Variants in ANO3 observed in about 807,000 individuals in gnomAD.
The protein encoded by ANO3 is anoctamin-3.
ANO3 carries 99 observed loss-of-function variants against 144.8 expected under a neutral mutation model. The observed-to-expected ratio is 0.68, with a 90% CI of 0.58 to 0.81. The LOEUF (loss-of-function observed/expected upper bound fraction) is 0.81. ANO3 is among the 30% of genes least tolerant of loss of function. ANO3 has a pLI of 0.00. For synonymous variants in ANO3, 414 were observed against 392.6 expected (o/e 1.05, Z -0.64); for missense variants, 905 against 1,202.2 (o/e 0.75, Z 3.66).
chr11:26,659,108 A>G (rs543571273), intron 26 of ANO3, among the ~76,000 whole-genome samples: 64 of 152,064 alleles, frequency 4.2e-4, no homozygotes, highest in African/African-American at 1.4e-3. Flanking sequence ...ACATATATAT[A>G]TACACACATA....
chr11:26,280,737 A>C (rs1853659694), intron 1 of ANO3, among the ~76,000 whole-genome samples: 1 of 152,180 alleles, frequency 6.6e-6, no homozygotes, highest in Non-Finnish European at 1.5e-5. Flanking sequence ...AATATTTACC[A>C]TCACGCCCAA....
In ANO3 at chr11:26,189,331, G is replaced by A. The variant is rs1851432232; in HGVS notation, c.154+1G>A. The A allele has an allele frequency of 1.0e-6, 1 of 985,198 alleles. No individual in the cohort carries two copies. The highest frequency in any genetic ancestry group is 4.7e-5 in the South Asian group (1 of 21,274). The allele number at this position is 985,198 out of a possible 1,614,324, so 61.0% of individuals were successfully genotyped here. A position where few individuals can be genotyped will look rare whatever the true frequency, so the allele number is the denominator to read the frequency against. ...CAGCACTCCAGTTCTGTCCCGACTGGTAAGCTAACCTTTAGATTGATATGT... is the reference window on the plus strand; with the variant it reads ...CAGCACTCCAGTTCTGTCCCGACTGATAAGCTAACCTTTAGATTGATATGT... On this transcript the variant is annotated splice_donor_variant, in intron 1 of 27. Transcript: ENST00000672621. LOFTEE classifies it high-confidence loss of function.
chr11:26,603,788 G>A (rs929339286), intron 17 of ANO3, among the ~76,000 whole-genome samples: 7 of 152,074 alleles, frequency 4.6e-5, no homozygotes, highest in African/African-American at 1.4e-4. Context: ...TTTGCTTATA[G>A]GGATTTGTAT....
intron 12 of ANO3, among the ~76,000 whole-genome samples, chr11:26,552,504 C>T (rs1849960430): frequency 6.6e-6 from 1 of 151,992 alleles, no homozygotes; most frequent in Non-Finnish European, 1.5e-5. Context: ...GGAAAGGGCA[C>T]AAAGCGTCCT....
intron 1 of ANO3, among the ~76,000 whole-genome samples, chr11:26,194,086 C>G (rs1314405348): frequency 6.6e-6 from 1 of 152,068 alleles, no homozygotes; most frequent in Non-Finnish European, 1.5e-5. Flanking sequence ...ATGCCTGCAA[C>G]TAATATCTAG....
intron 18 of ANO3, among the ~76,000 whole-genome samples, chr11:26,624,921 CTT>C (rs34454148): frequency 1.4e-5 from 2 of 144,574 alleles, no homozygotes; most frequent in Non-Finnish European, 3.0e-5. Context: ...TACTTTTTAA[CTT>C]TTTTTTTTTT....
chr11:26,193,035 G>A (rs1332223364), intron 1 of ANO3, among the ~76,000 whole-genome samples: 1 of 151,464 alleles, frequency 6.6e-6, no homozygotes, highest in Non-Finnish European at 1.5e-5. Flanking sequence ...TAGGTTTTAA[G>A]CCCCGCATGC....
intron 1 of ANO3, among the ~76,000 whole-genome samples, chr11:26,346,121 G>A (rs988888835): frequency 3.9e-5 from 6 of 152,076 alleles, no homozygotes; most frequent in Non-Finnish European, 8.8e-5. Context: ...TTATAAATAA[G>A]GAAACATACC....
chr11:26,299,460 G>A (rs1040490923), intron 1 of ANO3, among the ~76,000 whole-genome samples: 2 of 152,190 alleles, frequency 1.3e-5, no homozygotes, highest in African/African-American at 2.4e-5. Context: ...AACTTTATCT[G>A]CTTTTGTGGA....
At chr11:26,592,937 G>T (rs1489781578) in intron 14 of ANO3, among the ~76,000 whole-genome samples, 4 of 152,064 alleles carry the variant, frequency 2.6e-5, no homozygotes, top group Non-Finnish European at 5.9e-5. Flanking sequence ...GTTTCCCGGA[G>T]GGGATTACTC....
chr11:26,276,881 G>C (rs947304977), intron 1 of ANO3, among the ~76,000 whole-genome samples: 1 of 152,086 alleles, frequency 6.6e-6, no homozygotes, highest in Admixed American at 6.6e-5. Context: ...TTTCACCTCT[G>C]TCACTTGAGA....
rs536268842 is a variant in ANO3, at chr11:26,654,144, A to G, written c.2577-1981A>G. Among the ~76,000 whole-genome samples the G allele has an allele frequency of 3.3e-5, 5 of 152,278 alleles. No homozygotes were observed. The South Asian group carries it at 1.0e-3, about 32-fold the overall frequency. ...TTCAACATCGACGTTGCTAATATAG[A>G]TTCTTTACATTTACATATAAACTTT... On this transcript the variant is annotated intron_variant, in intron 24 of 26. Transcript: ENST00000256737.
intron 26 of ANO3, among the ~76,000 whole-genome samples, chr11:26,658,088 G>T (rs188336509): frequency 1.2e-4 from 15 of 124,848 alleles, no homozygotes; most frequent in African/African-American, 3.8e-4. Context: ...TCTTCTAGTG[G>T]TTTCATAGTT....
intron 1 of ANO3, among the ~76,000 whole-genome samples, chr11:26,362,944 G>A (rs1242949984): frequency 6.6e-6 from 1 of 151,996 alleles, no homozygotes; most frequent in Non-Finnish European, 1.5e-5. Flanking sequence ...TAGGTCAATT[G>A]GTGAAATCCA....
intron 12 of ANO3, among the ~76,000 whole-genome samples, chr11:26,548,700 C>T (rs1849851673): frequency 6.6e-6 from 1 of 151,924 alleles, no homozygotes; most frequent in African/African-American, 2.4e-5. Flanking sequence ...TCCCCTTGTT[C>T]TTCATGAATG....
chr11:26,354,409 T>G (rs1156524201), intron 1 of ANO3, among the ~76,000 whole-genome samples: 1 of 152,188 alleles, frequency 6.6e-6, no homozygotes, highest in African/African-American at 2.4e-5. Context: ...AGGTGCATTC[T>G]TTTCTCCAAG....
intron 1 of ANO3, among the ~76,000 whole-genome samples, chr11:26,311,769 C>T (rs1000692437): frequency 2.6e-5 from 4 of 152,178 alleles, no homozygotes; most frequent in African/African-American, 9.6e-5. Context: ...AAATTTTTAA[C>T]TGTGGGGAGA....
intron 4 of ANO3, among the ~76,000 whole-genome samples, chr11:26,487,026 G>T (rs141447704): frequency 6.6e-6 from 1 of 152,194 alleles, no homozygotes; most frequent in Non-Finnish European, 1.5e-5. Flanking sequence ...TGCAAGGAGC[G>T]TTTGGTGACT....
At chr11:26,562,005 G>GAGGTGTCTCA (rs1360798427) in intron 14 of ANO3, among the ~76,000 whole-genome samples, 7 of 151,840 alleles carry the variant, frequency 4.6e-5, no homozygotes, top group Non-Finnish European at 5.9e-5. Flanking sequence ...GTCTTTGGGA[G>GAGGTGTCTCA]AGGTGTCTCA....
Sources: gnomAD v4.1 joint callset for allele counts (sites outside exome capture counted in the v4.1 genomes callset) on GRCh38, gnomAD v4.1.1 for gene constraint, MANE v1.5 for transcripts, NCBI Gene and HGNC (gene_info 2026-07-23, HGNC 2026-07-21) for gene names.